Variants in ESRRG observed in about 807,000 individuals in gnomAD.
ESRRG encodes estrogen-related receptor gamma.
A neutral mutation model predicts 44.0 loss-of-function variants in ESRRG; 13 were observed. The ratio of observed to expected loss-of-function variants is 0.30; its 90% CI spans 0.19 to 0.47. The LOEUF (loss-of-function observed/expected upper bound fraction) is 0.47, where lower values mean the gene tolerates loss of function less well. Among genes scored for constraint, ESRRG ranks in the 20% least tolerant of loss-of-function variants. The pLI is 1.00. For missense variants in ESRRG, 395 were observed against 580.6 expected, an observed-to-expected ratio of 0.68 and a Z score of 3.29; for synonymous variants, 215 against 214.6, an observed-to-expected ratio of 1.00 and a Z score of -0.02.
At chr1:216,516,741 C>G (rs1442343743) in intron 6 of ESRRG, among the ~76,000 whole-genome samples, 1 of 150,646 alleles carries the variant, frequency 6.6e-6, no homozygotes, top group Non-Finnish European at 1.5e-5. Context: ...TATTTTTATA[C>G]TGATATGTGT....
chr1:216,821,815 T>C (rs12753723), intron 2 of ESRRG, among the ~76,000 whole-genome samples: 83,640 of 150,042 alleles, frequency 0.56, 23,943 homozygotes, highest in Non-Finnish European at 0.62. Flanking sequence ...TTCAACCTAA[T>C]GCCTATCTCA....
chr1:216,900,722 G>A (rs1014483429), intron 2 of ESRRG, among the ~76,000 whole-genome samples: 12 of 152,200 alleles, frequency 7.9e-5, no homozygotes, highest in Admixed American at 2.6e-4. Context: ...ATTTTAAACC[G>A]TGGCAGCTTG....
chr1:216,934,405 G>A (rs568288155), intron 2 of ESRRG, among the ~76,000 whole-genome samples: 3 of 152,296 alleles, frequency 2.0e-5, no homozygotes, highest in African/African-American at 7.2e-5. Context: ...CTCCTCTCCA[G>A]CTTAGGAGAC....
At chr1:216,679,972 C>T (rs147869208) in intron 1 of ESRRG, among the ~76,000 whole-genome samples, 88 of 152,236 alleles carry the variant, frequency 5.8e-4, no homozygotes, top group African/African-American at 1.9e-3. Context: ...TGGCAATAGG[C>T]TGGATAAAAC....
chr1:216,818,420 C>T (rs1458275347), intron 2 of ESRRG, among the ~76,000 whole-genome samples: 3 of 152,142 alleles, frequency 2.0e-5, no homozygotes, highest in Admixed American at 1.3e-4. Flanking sequence ...AAGGAACCAT[C>T]ATCTGGTTTG....
chr1:216,614,577 T>C (rs954680718), intron 3 of ESRRG, among the ~76,000 whole-genome samples: 3 of 152,226 alleles, frequency 2.0e-5, no homozygotes, highest in African/African-American at 7.2e-5. Flanking sequence ...CTTAAAGCAC[T>C]ACTATTTGTT....
At chr1:216,792,838 A>AG (rs67746503) in intron 2 of ESRRG, among the ~76,000 whole-genome samples, 10,031 of 152,206 alleles carry the variant, frequency 0.066, 397 homozygotes, top group Middle Eastern at 0.14. Context: ...GGAGCCATGG[A>AG]GGGGACTCAT....
chr1:216,894,513 T>C (rs2058186591), intron 2 of ESRRG, among the ~76,000 whole-genome samples: 1 of 152,116 alleles, frequency 6.6e-6, no homozygotes, highest in Non-Finnish European at 1.5e-5. Context: ...TGTTTATTTC[T>C]CTTGGTGGCA....
chr1:216,595,995 C>T (rs1289384657), intron 3 of ESRRG, among the ~76,000 whole-genome samples: 1 of 152,210 alleles, frequency 6.6e-6, no homozygotes, highest in African/African-American at 2.4e-5. Context: ...ATTCAAACAG[C>T]AGTCAGGGAC....
chr1:216,586,057 T>A (rs1259537579), intron 3 of ESRRG, among the ~76,000 whole-genome samples: 2 of 45,758 alleles, frequency 4.4e-5, no homozygotes, highest in Non-Finnish European at 1.1e-4. Flanking sequence ...ATAAATTAAT[T>A]AATAAAGTTA....
At chr1:217,093,862 A>G (rs904961356), upstream of ESRRG, among the ~76,000 whole-genome samples, 1 of 150,746 alleles carries the variant, frequency 6.6e-6, no homozygotes, top group Non-Finnish European at 1.5e-5. Flanking sequence ...AAAATTATTT[A>G]TTATTATATT....
intron 2 of ESRRG, among the ~76,000 whole-genome samples, chr1:216,732,090 TA>T (rs528643908): frequency 4.2e-5 from 5 of 117,946 alleles, no homozygotes; most frequent in East Asian, 4.7e-4. Flanking sequence ...AGAAGTGGAA[TA>T]AAAAAAGAAA....
At chr1:216,536,934 G>T (rs2051149141) in intron 5 of ESRRG, among the ~76,000 whole-genome samples, 1 of 151,990 alleles carries the variant, frequency 6.6e-6, no homozygotes, top group South Asian at 2.1e-4. Context: ...GCCCTGGGAT[G>T]GGGCATGGGG....
intron 2 of ESRRG, among the ~76,000 whole-genome samples, chr1:216,751,209 A>C (rs2091975847): frequency 6.6e-6 from 1 of 152,126 alleles, no homozygotes; most frequent in Admixed American, 6.6e-5. Flanking sequence ...TCTCTAAATC[A>C]AGTGAAGTTC....
chr1:216,543,222 G>A (rs1484437935), intron 5 of ESRRG, among the ~76,000 whole-genome samples: 1 of 151,968 alleles, frequency 6.6e-6, no homozygotes, highest in Admixed American at 6.6e-5. Flanking sequence ...TTAAATCCAT[G>A]GAATGACACT....
At position 217,121,557 on chromosome 1, in the gene ESRRG, G is replaced by A. The variant is rs184197388; in HGVS notation, c.-230+16110C>T. 3.2e-4 allele frequency among the ~76,000 whole-genome samples: 49 copies of A among 152,120 alleles called. No homozygotes were observed. In the East Asian group the frequency reaches 6.0e-3, roughly 19 times the overall value. ...ATAAAAACAGAGGATTAAGTGAAGC[G>A]GGCAGTTTCAATAGACATTTAGGAG... On this transcript the variant is annotated intron_variant, in intron 1 of 8. Coordinates refer to the ESRRG transcript ENST00000366940.
intron 3 of ESRRG, among the ~76,000 whole-genome samples, chr1:216,588,726 T>C (rs1327275070): frequency 2.0e-5 from 3 of 152,214 alleles, no homozygotes; most frequent in African/African-American, 4.8e-5. Context: ...GCATCAGTAC[T>C]ATCATTTGAT....
intron 1 of ESRRG, among the ~76,000 whole-genome samples, chr1:216,974,692 C>T (rs2072486297): frequency 6.6e-6 from 1 of 152,090 alleles, no homozygotes; most frequent in African/African-American, 2.4e-5. Flanking sequence ...CTTGAGGAGT[C>T]CAATGACAAG....
At chr1:216,948,256 A>C (rs1214322824) in intron 1 of ESRRG, among the ~76,000 whole-genome samples, 1 of 152,018 alleles carries the variant, frequency 6.6e-6, no homozygotes, top group Admixed American at 6.5e-5. Context: ...AAGATTAGGA[A>C]GAAAGAAATA....
Sources: gnomAD v4.1 joint callset for allele counts (sites outside exome capture counted in the v4.1 genomes callset) on GRCh38, gnomAD v4.1.1 for gene constraint, MANE v1.5 for transcripts, NCBI Gene and HGNC (gene_info 2026-07-23, HGNC 2026-07-21) for gene names.